Variants in KIAA0825 observed in about 807,000 individuals in gnomAD.
KIAA0825 encodes KIAA0825.
Under a neutral mutation model 147.6 loss-of-function variants are expected in KIAA0825, and 119 were observed. That is an observed-to-expected ratio of 0.81 (90% confidence interval 0.69 to 0.94). The LOEUF (loss-of-function observed/expected upper bound fraction) is 0.94, where lower values mean the gene tolerates loss of function less well. KIAA0825 is among the 40% of genes least tolerant of loss of function. The probability of loss-of-function intolerance (pLI) is 0.00; values close to 1 mark genes in which losing one functional copy is unlikely to be tolerated. For missense variants in KIAA0825, 1,381 were observed against 1,472.7 expected (o/e 0.94, Z 1.02); for synonymous variants, 470 against 518.1 (o/e 0.91, Z 1.26).
chr5:94,395,882 G>A (rs1562454892), intron 17 of KIAA0825, among the ~76,000 whole-genome samples: 1 of 152,108 alleles, frequency 6.6e-6, no homozygotes, highest in Non-Finnish European at 1.5e-5. Context: ...CAAGTATAAT[G>A]TTCCAGTGTG....
intron 5 of KIAA0825, among the ~76,000 whole-genome samples, chr5:94,503,317 A>C (rs1320143305): frequency 1.3e-5 from 2 of 152,084 alleles, no homozygotes; most frequent in Non-Finnish European, 2.9e-5. Flanking sequence ...CTATTTTATC[A>C]CTTCTTTCTC....
intron 16 of KIAA0825, 56 bp from the exon 17 acceptor site, chr5:94,396,565 A>G (rs1164783555): frequency 7.2e-7 from 1 of 1,388,450 alleles, no homozygotes. Flanking sequence ...CAATCACTGC[A>G]TGGTTTTGTG....
In KIAA0825 at chr5:94,386,421, T is replaced by C. The variant is rs1157559047; in HGVS notation, c.3457-17A>G. Reference sequence around the variant, plus strand: ...TAAATATTCCTTCAAAGAAAAGAAATTACAAGTTGTGACGGTGAGAAGCAG... The same window carrying C: ...TAAATATTCCTTCAAAGAAAAGAAACTACAAGTTGTGACGGTGAGAAGCAG... On this transcript the variant is annotated splice_polypyrimidine_tract_variant and intron_variant, in intron 18 of 20. Transcript: ENST00000682413. The C allele has an allele frequency of 3.9e-6, 6 of 1,537,630 alleles. No individual in the cohort carries two copies. Among genetic ancestry groups the C allele is most frequent in the Non-Finnish European group, 5.3e-6 (6 of 1,140,334 alleles).
At chr5:94,161,573 T>C (rs1767587251) in intron 20 of KIAA0825, among the ~76,000 whole-genome samples, 2 of 152,236 alleles carry the variant, frequency 1.3e-5, no homozygotes, top group Admixed American at 1.3e-4. Flanking sequence ...ATTAACCACA[T>C]ACTGCTTTGT....
At chr5:94,248,458 G>C (rs889909668) in intron 20 of KIAA0825, among the ~76,000 whole-genome samples, 4 of 152,074 alleles carry the variant, frequency 2.6e-5, no homozygotes, top group Admixed American at 2.0e-4. Context: ...AAATAGATTT[G>C]CCTAGAGGAA....
At chr5:94,595,558 C>T (rs1431271281) in intron 1 of KIAA0825, among the ~76,000 whole-genome samples, 1 of 152,180 alleles carries the variant, frequency 6.6e-6, no homozygotes, top group African/African-American at 2.4e-5. Context: ...CTTTGACATA[C>T]CCTGGAGACA....
intron 20 of KIAA0825, among the ~76,000 whole-genome samples, chr5:94,321,145 AC>A (rs1443785655): frequency 3.3e-5 from 5 of 152,008 alleles, no homozygotes; most frequent in Non-Finnish European, 5.9e-5. Flanking sequence ...ATGGCCTACT[AC>A]TATGATCTAA....
chr5:94,181,037 C>T (rs1346111018), intron 20 of KIAA0825, among the ~76,000 whole-genome samples: 3 of 152,014 alleles, frequency 2.0e-5, no homozygotes, highest in Admixed American at 1.3e-4. Flanking sequence ...TGAGTTTTTA[C>T]CATTTTTAGT....
At chr5:94,334,445 G>C (rs1781594955) in intron 20 of KIAA0825, among the ~76,000 whole-genome samples, 4 of 152,062 alleles carry the variant, frequency 2.6e-5, no homozygotes. Flanking sequence ...GAAGAAAAAA[G>C]GTAGAATAAA....
Position 94,258,306 on chromosome 5 carries a change from C to T in KIAA0825, c.3711-104182G>A, listed in dbSNP as rs77495849. On this transcript the variant is annotated intron_variant, in intron 20 of 20. Coordinates refer to ENST00000682413, the MANE Select transcript of KIAA0825 (RefSeq NM_001145678.3). Reference sequence around the variant, plus strand: ...TCATTAACAAAACTGAGAGTCAAGACGCCTTCTGTTTCTAATCATTTTTCT... The same window carrying T: ...TCATTAACAAAACTGAGAGTCAAGATGCCTTCTGTTTCTAATCATTTTTCT... 1.8e-4 allele frequency among the ~76,000 whole-genome samples: 27 copies of T among 152,112 alleles called. No homozygotes were observed. The East Asian group carries it at 4.2e-3, about 24-fold the overall frequency.
chr5:94,536,505 T>TC (rs1044139364), intron 3 of KIAA0825, among the ~76,000 whole-genome samples: 8 of 152,170 alleles, frequency 5.3e-5, no homozygotes, highest in Non-Finnish European at 1.2e-4. Flanking sequence ...TGTCACTGTT[T>TC]CCCCCAGTAT....
Position 94,168,544 on chromosome 5 carries a change from C to T in KIAA0825, c.3711-14420G>A, listed in dbSNP as rs60539244. 1.2e-3 allele frequency among the ~76,000 whole-genome samples: 181 copies of T among 152,214 alleles called. 1 individual carries two copies. The highest frequency in any genetic ancestry group is 4.2e-3 in the African/African-American group (176 of 41,540). ...AGTTATGGCTTAGGGAAAACATAAA[C>T]GGAAGCACAGCCATCAGTAGTAATG... On this transcript the variant is annotated intron_variant, in intron 20 of 20. Transcript: ENST00000682413.
At chr5:94,349,450 G>T (rs1783387783) in intron 20 of KIAA0825, among the ~76,000 whole-genome samples, 1 of 152,108 alleles carries the variant, frequency 6.6e-6, no homozygotes, top group Non-Finnish European at 1.5e-5. Flanking sequence ...GATATATACA[G>T]AATATTTCAT....
chr5:94,194,908 T>A (rs1770993246), intron 20 of KIAA0825, among the ~76,000 whole-genome samples: 1 of 152,202 alleles, frequency 6.6e-6, no homozygotes, highest in Non-Finnish European at 1.5e-5. Flanking sequence ...TCTAGCTAAG[T>A]ATATACTGCA....
rs970113563 is a variant in KIAA0825, at chr5:94,186,724, T to C, written c.3711-32600A>G. On this transcript the variant is annotated intron_variant, in intron 20 of 20. Transcript: ENST00000682413. ...CGAAGGAGCTACTGAGATCAAAGCA[T>C]TGTTCATTCATTAGAAACTGAGAAA... is the stretch of plus-strand genomic sequence containing the variant. 2.6e-5 allele frequency among the ~76,000 whole-genome samples: 4 copies of C among 152,212 alleles called. No homozygotes were observed. In the East Asian group the frequency reaches 5.8e-4, roughly 22 times the overall value.
chr5:94,318,909 A>AC (rs759219985), intron 20 of KIAA0825, among the ~76,000 whole-genome samples: 7 of 151,528 alleles, frequency 4.6e-5, no homozygotes, highest in Non-Finnish European at 1.0e-4. Flanking sequence ...TCATAATACT[A>AC]CCCCTCCTTG....
At chr5:94,358,682 A>G (rs1223516192) in intron 20 of KIAA0825, among the ~76,000 whole-genome samples, 1 of 152,150 alleles carries the variant, frequency 6.6e-6, no homozygotes, top group Non-Finnish European at 1.5e-5. Context: ...CATTCCAGCA[A>G]TTTCCATTTT....
intron 20 of KIAA0825, among the ~76,000 whole-genome samples, chr5:94,341,812 T>G (rs1782419804): frequency 6.6e-6 from 1 of 152,166 alleles, no homozygotes; most frequent in Non-Finnish European, 1.5e-5. Context: ...AATTATTTAT[T>G]TCAATAATCT....
chr5:94,440,991 G>A (rs1367200262), intron 13 of KIAA0825, among the ~76,000 whole-genome samples: 5 of 152,062 alleles, frequency 3.3e-5, no homozygotes, highest in African/African-American at 9.7e-5. Context: ...GGAATAGGGC[G>A]GCACAGGGAA....
Sources: gnomAD v4.1 joint callset for allele counts (sites outside exome capture counted in the v4.1 genomes callset) on GRCh38, gnomAD v4.1.1 for gene constraint, MANE v1.5 for transcripts, NCBI Gene and HGNC (gene_info 2026-07-23, HGNC 2026-07-21) for gene names.